The following CFAP61 variants were observed in gnomAD, a reference collection of about 807,000 sequenced individuals.
The protein encoded by CFAP61 is cilia and flagella associated protein 61, also known as cilia- and flagella-associated protein 61.
CFAP61 carries 107 observed loss-of-function variants against 135.6 expected under a neutral mutation model. The observed-to-expected ratio is 0.79, with a 90% CI of 0.67 to 0.93. The LOEUF (loss-of-function observed/expected upper bound fraction) is 0.93, where lower values mean the gene tolerates loss of function less well. CFAP61 is among the 40% of genes least tolerant of loss of function. The pLI, the probability that CFAP61 is intolerant of heterozygous loss-of-function variation, is 0.00. For missense variants in CFAP61, 1,507 were observed against 1,556.2 expected (o/e 0.97, Z 0.53); for synonymous variants, 575 against 578.5 (o/e 0.99, Z 0.09).
chr20:20,220,165 A>T (rs1050295579), intron 17 of CFAP61: 1 of 152,206 alleles, frequency 6.6e-6, no homozygotes, highest in Non-Finnish European at 1.5e-5. Flanking sequence ...GAGTTCAACC[A>T]CCAGTGGCCA....
At chr20:20,055,898 T>TA in intron 1 of CFAP61, 1 of 1,380,216 alleles carries the variant, frequency 7.2e-7, no homozygotes. Flanking sequence ...AAGAGAGACT[T>TA]ACAGAAATTG....
chr20:20,353,058 T>C (rs897482762), intron 26 of CFAP61, among the ~76,000 whole-genome samples: 5 of 152,152 alleles, frequency 3.3e-5, no homozygotes, highest in African/African-American at 1.2e-4. Context: ...TGACCTGATA[T>C]AAACATAAGC....
At chr20:20,114,337 A>G (rs1453797370) in intron 8 of CFAP61, among the ~76,000 whole-genome samples, 1 of 152,212 alleles carries the variant, frequency 6.6e-6, no homozygotes, top group Non-Finnish European at 1.5e-5. Context: ...AAATTTATAG[A>G]TCAGTTTGCT....
At chr20:20,300,607 G>T (rs865789649) in intron 25 of CFAP61, among the ~76,000 whole-genome samples, 3,176 of 145,480 alleles carry the variant, frequency 0.022, 125 homozygotes, top group African/African-American at 0.078. Flanking sequence ...TGTTTTTTTT[G>T]TTTTTTTTTT....
intron 19 of CFAP61, among the ~76,000 whole-genome samples, chr20:20,248,768 T>C (rs2050659760): frequency 6.6e-6 from 1 of 152,178 alleles, no homozygotes; most frequent in South Asian, 2.1e-4. Context: ...AGAGCTTGCT[T>C]CTAACTGCAC....
intron 24 of CFAP61, 129 bp downstream of exon 24, chr20:20,290,520 C>A: frequency 1.5e-6 from 1 of 665,846 alleles, no homozygotes; most frequent in Non-Finnish European, 2.6e-6. Flanking sequence ...CTGGAGTAAT[C>A]GTCCCCCAAG....
At position 20,116,294 on chromosome 20, in the gene CFAP61, T is replaced by C. The variant is rs1396688937; in HGVS notation, c.859+17480T>C. ...CCATTTTTAATGAGTTTTTTTGCTA[T>C]TGAATTATTTGAGCTCCTTATATTC... On this transcript the variant is annotated intron_variant, in intron 8 of 26. Coordinates refer to ENST00000245957, the MANE Select transcript of CFAP61 (RefSeq NM_015585.4). Among the ~76,000 whole-genome samples, 7 of 152,224 alleles carry C rather than the reference T, an allele frequency of 4.6e-5. No individual in the cohort carries two copies. In the East Asian group the frequency reaches 1.2e-3, roughly 25 times the overall value.
At chr20:20,317,386 G>A (rs185723661) in intron 25 of CFAP61, among the ~76,000 whole-genome samples, 6 of 152,266 alleles carry the variant, frequency 3.9e-5, no homozygotes, top group South Asian at 2.1e-4. Flanking sequence ...GGCCCCAAAC[G>A]TCTTCAACCT....
intron 26 of CFAP61, among the ~76,000 whole-genome samples, chr20:20,355,227 C>T (rs1454746184): frequency 8.2e-6 from 1 of 121,692 alleles, no homozygotes; most frequent in Non-Finnish European, 1.7e-5. Flanking sequence ...GGTGATCACA[C>T]TAAGGGGAGG....
At chr20:20,260,100 G>A (rs190850226) in intron 20 of CFAP61, among the ~76,000 whole-genome samples, 11 of 152,284 alleles carry the variant, frequency 7.2e-5, no homozygotes, top group Admixed American at 5.9e-4. Flanking sequence ...GGAATGTATG[G>A]GTGTAAGAAA....
chr20:20,314,056 C>A (rs2056972343), intron 25 of CFAP61, among the ~76,000 whole-genome samples: 1 of 152,016 alleles, frequency 6.6e-6, no homozygotes. Flanking sequence ...TCCCACTGGG[C>A]CCCACCTCCC....
In CFAP61 at chr20:20,070,983, CGA is replaced by C. The variant is rs2045664483; in HGVS notation, c.274_275del (p.Asp92GlnfsTer2). On this transcript the variant is annotated frameshift_variant, in exon 3 of 27. Transcript: ENST00000245957. LOFTEE classifies it high-confidence loss of function. ...DDWVSVFREL[D>X]SDIPCTPLNT... ...ACTGGGTGTCAGTGTTCCGGGAGCT[CGA>C]CAGTGACATCCCATGCACAGTAAGA... 6.2e-7 allele frequency: 1 copy of C among 1,613,868 alleles called. No individual in the cohort carries two copies.
At chr20:20,193,469 T>C (rs1050132914) in intron 15 of CFAP61, among the ~76,000 whole-genome samples, 1 of 151,554 alleles carries the variant, frequency 6.6e-6, no homozygotes, top group Non-Finnish European at 1.5e-5. Flanking sequence ...TTTGATCCAA[T>C]ATTTCTTGGA....
chr20:20,105,866 C>A (rs1340744449), intron 8 of CFAP61, among the ~76,000 whole-genome samples: 1 of 150,200 alleles, frequency 6.7e-6, no homozygotes, highest in Admixed American at 6.6e-5. Context: ...GTCTCGATCT[C>A]CTGACCTTGT....
chr20:20,290,744 A>G (rs1158546608), intron 24 of CFAP61, among the ~76,000 whole-genome samples: 1 of 152,226 alleles, frequency 6.6e-6, no homozygotes, highest in Non-Finnish European at 1.5e-5. Flanking sequence ...AGAGAGGTCC[A>G]TGTGGCAAGG....
At chr20:20,131,235 A>T (rs1375467038) in intron 8 of CFAP61, among the ~76,000 whole-genome samples, 2 of 149,460 alleles carry the variant, frequency 1.3e-5, no homozygotes, top group African/African-American at 2.6e-5. Flanking sequence ...TTTTTTGTGG[A>T]TGGGGAGGGG....
intron 26 of CFAP61, among the ~76,000 whole-genome samples, chr20:20,355,780 G>C (rs1356529010): frequency 2.8e-5 from 4 of 141,918 alleles, no homozygotes; most frequent in African/African-American, 5.5e-5. Flanking sequence ...ACTGTGAGGG[G>C]AGGTGGTCAC....
Position 20,263,081 on chromosome 20 carries a change from T to C in CFAP61, c.2454T>C (p.Asp818=). 1 of 1,614,152 alleles carries C rather than the reference T, an allele frequency of 6.2e-7. No individual in the cohort carries two copies. Among genetic ancestry groups the C allele is most frequent in the Non-Finnish European group, 8.5e-7 (1 of 1,179,980 alleles). The stretch of plus-strand genomic sequence containing the variant: ...ATTTCACTCTCAACGAGGAAGAGGA[T>C]TGCTTTAAGGCACTGATTTGGATAA... ...CNHFTLNEEE[D]CFKALIWIRN... is the part of the protein sequence containing the mutation. Residue 818 remains aspartate (D), a synonymous_variant, in exon 21 of 27, where the codon GAT becomes GAC. Transcript: ENST00000245957.
chr20:20,264,100 C>T (rs1422635878), intron 21 of CFAP61, among the ~76,000 whole-genome samples: 2 of 152,094 alleles, frequency 1.3e-5, no homozygotes, highest in African/African-American at 4.8e-5. Flanking sequence ...TAAGAAGTTA[C>T]TAATTTACTA....
Sources: allele counts gnomAD v4.1 joint callset (sites outside exome capture counted in the v4.1 genomes callset), GRCh38; gene constraint gnomAD v4.1.1; transcripts MANE v1.5; gene names NCBI Gene and HGNC (gene_info 2026-07-23, HGNC 2026-07-21).